FGF14: variants seen among roughly 807,000 people sequenced by gnomAD.
The protein encoded by FGF14 is fibroblast growth factor 14, also known as fibroblast growth factor homologous factor 4.
FGF14 carries 5 observed loss-of-function variants against 25.5 expected under a neutral mutation model. The observed-to-expected ratio is 0.20, with a 90% CI of 0.10 to 0.41. The LOEUF (loss-of-function observed/expected upper bound fraction) is 0.41. Among genes scored for constraint, FGF14 ranks in the 10% least tolerant of loss-of-function variants. FGF14 has a pLI of 1.00. For synonymous variants in FGF14, 138 were observed against 118.3 expected (o/e 1.17, Z -1.08); for missense variants, 222 against 320.1 (o/e 0.69, Z 2.34).
At chr13:102,391,001 T>C (rs556500032) in intron 1 of FGF14, among the ~76,000 whole-genome samples, 1 of 152,298 alleles carries the variant, frequency 6.6e-6, no homozygotes, top group South Asian at 2.1e-4. Flanking sequence ...GGGTAAATGT[T>C]TCAAGTTCAG....
chr13:102,000,054 G>A (rs1293057387), intron 1 of FGF14, among the ~76,000 whole-genome samples: 2 of 152,106 alleles, frequency 1.3e-5, no homozygotes, highest in African/African-American at 2.4e-5. Context: ...GGTGGCTCAC[G>A]CCTGTAATCC....
At chr13:102,362,186 C>G (rs776434252) in intron 1 of FGF14, among the ~76,000 whole-genome samples, 1 of 152,110 alleles carries the variant, frequency 6.6e-6, no homozygotes, top group Non-Finnish European at 1.5e-5. Context: ...TGGGTTTAAC[C>G]GTTTCATCTC....
chr13:102,192,613 C>A (rs574703112), intron 1 of FGF14, among the ~76,000 whole-genome samples: 47 of 152,248 alleles, frequency 3.1e-4, no homozygotes, highest in African/African-American at 1.1e-3. Context: ...GATTAGGTAT[C>A]TCCTTAGCTA....
intron 1 of FGF14, among the ~76,000 whole-genome samples, chr13:102,290,336 C>T (rs2054317329): frequency 6.6e-6 from 1 of 152,130 alleles, no homozygotes; most frequent in Non-Finnish European, 1.5e-5. Context: ...CAGACACCTA[C>T]CCTGACAGTG....
chr13:102,041,025 A>G (rs1441289698), intron 1 of FGF14, among the ~76,000 whole-genome samples: 2 of 152,074 alleles, frequency 1.3e-5, no homozygotes, highest in Non-Finnish European at 2.9e-5. Context: ...CAGGTGCTCA[A>G]CAAATAATGA....
At chr13:101,906,854 A>G (rs2032310199) in intron 1 of FGF14, among the ~76,000 whole-genome samples, 1 of 152,196 alleles carries the variant, frequency 6.6e-6, no homozygotes, top group Non-Finnish European at 1.5e-5. Flanking sequence ...GAGGTAGAAC[A>G]TATTATCAAT....
intron 1 of FGF14, among the ~76,000 whole-genome samples, chr13:102,240,263 C>CA (rs2051530188): frequency 6.6e-6 from 1 of 152,094 alleles, no homozygotes; most frequent in Admixed American, 6.6e-5. Context: ...GATCTTAATT[C>CA]AAAACAGAAT....
At chr13:102,261,456 G>A (rs1022020221) in intron 1 of FGF14, among the ~76,000 whole-genome samples, 2 of 152,228 alleles carry the variant, frequency 1.3e-5, no homozygotes, top group Non-Finnish European at 2.9e-5. Flanking sequence ...GCTGGAAGCA[G>A]CATCCAAATA....
intron 1 of FGF14, among the ~76,000 whole-genome samples, chr13:102,082,814 C>T (rs921611955): frequency 4.0e-5 from 6 of 150,950 alleles, no homozygotes; most frequent in East Asian, 2.0e-4. Flanking sequence ...AAAAATTAGC[C>T]GGGCGTAGTG....
At position 101,714,149 on chromosome 13, in the gene FGF14, T is replaced by TAA. The variant is rs746535894; in HGVS notation, c.*8680_*8681dup. On this transcript the variant is annotated 3_prime_UTR_variant, in exon 5 of 5. Transcript: ENST00000376143. ...GAATACTTTTTTGGAAGACCATCTA[T>TAA]AAGAATCAACCCCATCCTGCTCTCA... is the stretch of plus-strand genomic sequence containing the variant. 2 of 302,210 alleles carry TAA rather than the reference T, an allele frequency of 6.6e-6. No homozygotes were observed. Among genetic ancestry groups the TAA allele is most frequent in the Non-Finnish European group, 1.2e-5 (2 of 165,144 alleles). The allele number at this position is 302,210 out of a possible 1,614,324, so 18.7% of individuals were successfully genotyped here.
At chr13:102,379,471 T>A (rs991059571) in intron 1 of FGF14, among the ~76,000 whole-genome samples, 1 of 151,708 alleles carries the variant, frequency 6.6e-6, no homozygotes, top group Non-Finnish European at 1.5e-5. Context: ...TATACCTTTA[T>A]ATATGGGTGT....
intron 1 of FGF14, among the ~76,000 whole-genome samples, chr13:102,101,667 A>G (rs956034128): frequency 1.3e-5 from 2 of 152,126 alleles, no homozygotes; most frequent in African/African-American, 4.8e-5. Flanking sequence ...TACTCTTAGG[A>G]GTACTAATGA....
chr13:101,794,480 T>C (rs897065389), intron 3 of FGF14, among the ~76,000 whole-genome samples: 2 of 152,116 alleles, frequency 1.3e-5, no homozygotes, highest in African/African-American at 4.8e-5. Context: ...GGTCCCTTTT[T>C]CTAGGGCCAA....
At chr13:102,019,311 T>G (rs1331940858) in intron 1 of FGF14, among the ~76,000 whole-genome samples, 1 of 152,150 alleles carries the variant, frequency 6.6e-6, no homozygotes, top group Admixed American at 6.5e-5. Context: ...ATGTCATGAT[T>G]CACGAGGGTT....
At chr13:102,252,166 G>A (rs2052212871) in intron 1 of FGF14, among the ~76,000 whole-genome samples, 1 of 152,186 alleles carries the variant, frequency 6.6e-6, no homozygotes, top group South Asian at 2.1e-4. Flanking sequence ...CTTGCGAAAT[G>A]TAGGTTGCAT....
At chr13:102,287,564 T>C (rs763699083) in intron 1 of FGF14, among the ~76,000 whole-genome samples, 6 of 152,206 alleles carry the variant, frequency 3.9e-5, no homozygotes, top group Non-Finnish European at 7.4e-5. Context: ...GCAGATTACA[T>C]AGTAACTTAT....
At chr13:102,117,256 GC>G (rs996299400) in intron 1 of FGF14, among the ~76,000 whole-genome samples, 13 of 152,132 alleles carry the variant, frequency 8.5e-5, no homozygotes, top group Admixed American at 2.0e-4. Flanking sequence ...TGTTTACTTG[GC>G]TTCTGCCCTT....
intron 1 of FGF14, among the ~76,000 whole-genome samples, chr13:102,204,063 C>G (rs929650045): frequency 2.0e-5 from 3 of 152,298 alleles, no homozygotes; most frequent in Admixed American, 1.3e-4. Context: ...TTAAAACTTT[C>G]AGTTACCACA....
chr13:101,899,485 C>G (rs1328561702), intron 1 of FGF14, among the ~76,000 whole-genome samples: 1 of 151,692 alleles, frequency 6.6e-6, no homozygotes, highest in African/African-American at 2.4e-5. Context: ...AAGGTAAATT[C>G]AATGGATGAG....
Sources: gnomAD v4.1 joint callset for allele counts (sites outside exome capture counted in the v4.1 genomes callset) on GRCh38, gnomAD v4.1.1 for gene constraint, MANE v1.5 for transcripts, NCBI Gene and HGNC (gene_info 2026-07-23, HGNC 2026-07-21) for gene names.